Variants in PRKN observed in about 807,000 individuals in gnomAD.
PRKN encodes parkin RBR E3 ubiquitin protein ligase, also known as E3 ubiquitin-protein ligase parkin.
PRKN carries 56 observed loss-of-function variants against 59.5 expected under a neutral mutation model. That is an observed-to-expected ratio of 0.94 (90% CI 0.76 to 1.18). PRKN has a LOEUF of 1.18. Ranked by LOEUF, PRKN falls within the 50% of genes most tolerant of loss-of-function variation. PRKN has a pLI of 0.00. For synonymous variants in PRKN, 250 were observed against 222.1 expected (o/e 1.13, Z -1.12); for missense variants, 657 against 596.4 (o/e 1.10, Z -1.06).
At position 161,504,303 on chromosome 6, in the gene PRKN, C is replaced by T. The variant is rs547068996; in HGVS notation, c.1083+44551G>A. On this transcript the variant is annotated intron_variant, in intron 9 of 11. Coordinates refer to ENST00000366898, the MANE Select transcript of PRKN (RefSeq NM_004562.3). ...AAGGTCTGACTCCCTGAGGAAGAGCCGGCAGGGATTGCCATGGGGACCACT... is the reference window on the plus strand; with the variant it reads ...AAGGTCTGACTCCCTGAGGAAGAGCTGGCAGGGATTGCCATGGGGACCACT... Among the ~76,000 whole-genome samples, 23 of 152,212 alleles carry T rather than the reference C, an allele frequency of 1.5e-4. No homozygotes were observed. In the South Asian group the frequency reaches 3.3e-3, roughly 22 times the overall value.
chr6:161,708,033 G>T (rs117924379), intron 7 of PRKN, among the ~76,000 whole-genome samples: 17 of 152,216 alleles, frequency 1.1e-4, no homozygotes, highest in Non-Finnish European at 2.1e-4. Flanking sequence ...CTCATTTAAT[G>T]ATATAATAGT....
At chr6:162,369,751 T>G (rs1785644615) in intron 2 of PRKN, among the ~76,000 whole-genome samples, 1 of 152,164 alleles carries the variant, frequency 6.6e-6, no homozygotes, top group South Asian at 2.1e-4. Flanking sequence ...TGATGATGTT[T>G]AGGTGAACTC....
chr6:162,093,427 C>T (rs938679624), intron 4 of PRKN, among the ~76,000 whole-genome samples: 7 of 152,060 alleles, frequency 4.6e-5, no homozygotes, highest in Admixed American at 2.6e-4. Flanking sequence ...TGCAGATCTC[C>T]GTGTATTACT....
At chr6:162,455,513 A>G (rs1790829434) in intron 1 of PRKN, among the ~76,000 whole-genome samples, 1 of 152,224 alleles carries the variant, frequency 6.6e-6, no homozygotes, top group Admixed American at 6.5e-5. Context: ...TGTGTCTCTA[A>G]GCATAGCAAA....
At chr6:162,636,953 T>C (rs1196520351) in intron 1 of PRKN, among the ~76,000 whole-genome samples, 23 of 148,814 alleles carry the variant, frequency 1.5e-4, no homozygotes, top group Admixed American at 1.4e-3. Context: ...AGCGAGATTC[T>C]GTCCCAAAAA....
chr6:162,574,040 C>A (rs1054797193), intron 1 of PRKN, among the ~76,000 whole-genome samples: 2 of 152,166 alleles, frequency 1.3e-5, no homozygotes, highest in Non-Finnish European at 2.9e-5. Context: ...GAGGACGATG[C>A]CTGTGCATCT....
chr6:162,723,899 A>C (rs1433727903), intron 1 of PRKN, among the ~76,000 whole-genome samples: 1 of 152,202 alleles, frequency 6.6e-6, no homozygotes, highest in Admixed American at 6.5e-5. Flanking sequence ...AAATTCTCAA[A>C]GAGATGCTAA....
chr6:162,647,856 A>G (rs898216201), intron 1 of PRKN, among the ~76,000 whole-genome samples: 10 of 150,788 alleles, frequency 6.6e-5, no homozygotes, highest in African/African-American at 2.4e-4. Context: ...CCTCTATTGC[A>G]AACAATGAAG....
intron 4 of PRKN, among the ~76,000 whole-genome samples, chr6:162,154,443 T>C (rs1219258805): frequency 1.3e-5 from 2 of 151,536 alleles, no homozygotes; most frequent in Non-Finnish European, 2.9e-5. Flanking sequence ...ATTTGTGAAG[T>C]AGATGTGTTA....
chr6:162,719,905 A>AAC (rs1554265412), intron 1 of PRKN, among the ~76,000 whole-genome samples: 39 of 27,342 alleles, frequency 1.4e-3, no homozygotes, highest in Middle Eastern at 0.02. Flanking sequence ...AAAAAAAAAA[A>AAC]AAAAAAAAAA....
intron 7 of PRKN, among the ~76,000 whole-genome samples, chr6:161,717,789 C>T (rs774596192): frequency 1.1e-4 from 16 of 152,280 alleles, no homozygotes; most frequent in South Asian, 2.1e-4. Flanking sequence ...CTGTGTGTCA[C>T]GCCCGCGAGG....
intron 7 of PRKN, among the ~76,000 whole-genome samples, chr6:161,740,051 G>A (rs989946072): frequency 4.6e-5 from 7 of 152,106 alleles, no homozygotes; most frequent in African/African-American, 9.7e-5. Context: ...CACTGCGCCC[G>A]GCCAACACAT....
chr6:162,339,807 G>T (rs1307381703), intron 2 of PRKN, among the ~76,000 whole-genome samples: 3 of 149,682 alleles, frequency 2.0e-5, no homozygotes, highest in African/African-American at 7.3e-5. Context: ...AAATTCTTCT[G>T]CCTTGGGATC....
chr6:161,665,986 G>A (rs1250002598), intron 7 of PRKN, among the ~76,000 whole-genome samples: 2 of 152,162 alleles, frequency 1.3e-5, no homozygotes, highest in Non-Finnish European at 2.9e-5. Flanking sequence ...TCAGGTTCCT[G>A]GGGGCAGCGT....
At chr6:162,287,850 A>T (rs1293830765) in intron 2 of PRKN, among the ~76,000 whole-genome samples, 2 of 152,168 alleles carry the variant, frequency 1.3e-5, no homozygotes, top group Non-Finnish European at 2.9e-5. Context: ...TTCGCAGCTA[A>T]GTGGGGGCAA....
At chr6:161,783,737 A>G in intron 7 of PRKN, 1 of 474,490 alleles carries the variant, frequency 2.1e-6, no homozygotes, top group South Asian at 1.6e-5. Flanking sequence ...CAATCTGTAA[A>G]TAATAAACTT....
intron 2 of PRKN, among the ~76,000 whole-genome samples, chr6:162,323,549 C>T (rs1783130291): frequency 1.3e-5 from 2 of 151,736 alleles, no homozygotes. Context: ...AATTTTCAAA[C>T]TCAGTAAGAA....
intron 1 of PRKN, among the ~76,000 whole-genome samples, chr6:162,450,370 G>GACTGTAAATGCCCCTT (rs1790550401): frequency 1.1e-5 from 1 of 95,052 alleles, no homozygotes; most frequent in Non-Finnish European, 2.6e-5. Flanking sequence ...AAACGCCCCT[G>GACTGTAAATGCCCCTT]TGATTGTAAT....
chr6:162,612,597 CAAAAAAA>C (rs10581049), intron 1 of PRKN, among the ~76,000 whole-genome samples: 5 of 122,864 alleles, frequency 4.1e-5, no homozygotes, highest in Admixed American at 8.3e-5. Flanking sequence ...AACTCCATCT[CAAAAAAA>C]AAAAAAAAAA....
Sources: gnomAD v4.1 joint callset for allele counts (sites outside exome capture counted in the v4.1 genomes callset) on GRCh38, gnomAD v4.1.1 for gene constraint, MANE v1.5 for transcripts, NCBI Gene and HGNC (gene_info 2026-07-23, HGNC 2026-07-21) for gene names.